The following CHCHD6 variants were observed in gnomAD, a reference collection of about 807,000 sequenced individuals.
The protein encoded by CHCHD6 is MICOS complex subunit MIC25.
CHCHD6 carries 28 observed loss-of-function variants against 32.3 expected under a neutral mutation model. The observed-to-expected ratio is 0.87, with a 90% CI of 0.64 to 1.19. The LOEUF (loss-of-function observed/expected upper bound fraction) is 1.19. Among genes scored for constraint, CHCHD6 ranks in the 50% most tolerant of loss-of-function variants. CHCHD6 has a pLI of 0.00. For missense variants in CHCHD6, 333 were observed against 307.0 expected (o/e 1.08, Z -0.63); for synonymous variants, 122 against 117.5 (o/e 1.04, Z -0.25).
intron 5 of CHCHD6, among the ~76,000 whole-genome samples, chr3:126,854,538 G>A (rs1159358300): frequency 6.6e-6 from 1 of 152,126 alleles, no homozygotes; most frequent in Non-Finnish European, 1.5e-5. Context: ...TGTAATGGCT[G>A]GGAAGATGGA....
chr3:126,816,764 C>T (rs1939924664), intron 4 of CHCHD6, among the ~76,000 whole-genome samples: 1 of 151,812 alleles, frequency 6.6e-6, no homozygotes, highest in Admixed American at 6.6e-5. Context: ...GAACAATGTA[C>T]AGGTTTGTTA....
chr3:126,798,732 G>A (rs1938921755), intron 4 of CHCHD6, among the ~76,000 whole-genome samples: 1 of 152,166 alleles, frequency 6.6e-6, no homozygotes, highest in South Asian at 2.1e-4. Context: ...GACAGTCACA[G>A]ATAGCCAGCT....
At chr3:126,721,244 A>G (rs1325514429) in intron 1 of CHCHD6, among the ~76,000 whole-genome samples, 2 of 151,930 alleles carry the variant, frequency 1.3e-5, no homozygotes, top group African/African-American at 2.4e-5. Context: ...CTGACTTCCA[A>G]GCTTCCTTCT....
intron 5 of CHCHD6, among the ~76,000 whole-genome samples, chr3:126,877,090 A>T (rs1331945466): frequency 2.0e-5 from 3 of 152,204 alleles, no homozygotes; most frequent in Non-Finnish European, 2.9e-5. Context: ...GGGGAAAAAG[A>T]TAGAAGTGTT....
intron 4 of CHCHD6, among the ~76,000 whole-genome samples, chr3:126,786,081 G>C (rs1019292743): frequency 1.3e-5 from 2 of 152,110 alleles, no homozygotes; most frequent in Admixed American, 6.5e-5. Flanking sequence ...TGCGGTGTTT[G>C]GTTTTTTGTT....
At chr3:126,764,300 C>T (rs566541652) in intron 4 of CHCHD6, among the ~76,000 whole-genome samples, 6 of 151,226 alleles carry the variant, frequency 4.0e-5, no homozygotes, top group Admixed American at 4.0e-4. Context: ...TTTGATTCCC[C>T]TTCATGCTAA....
intron 4 of CHCHD6, among the ~76,000 whole-genome samples, chr3:126,773,609 T>C (rs192121931): frequency 0.013 from 1,906 of 145,702 alleles, 42 homozygotes; most frequent in African/African-American, 0.046. Context: ...TTTCTTTTTT[T>C]TTTTTTTTTT....
At chr3:126,905,390 G>C (rs906444800) in intron 5 of CHCHD6, among the ~76,000 whole-genome samples, 2 of 152,176 alleles carry the variant, frequency 1.3e-5, no homozygotes, top group Non-Finnish European at 2.9e-5. Context: ...GGAGTTTCTT[G>C]GGTAGATAGG....
chr3:126,731,476 C>T (rs1935802615), intron 3 of CHCHD6, among the ~76,000 whole-genome samples: 1 of 152,160 alleles, frequency 6.6e-6, no homozygotes, highest in Non-Finnish European at 1.5e-5. Context: ...AAGAAGAGTA[C>T]TTCTTTAATT....
chr3:126,895,694 G>T (rs904513682), intron 5 of CHCHD6, among the ~76,000 whole-genome samples: 13 of 152,226 alleles, frequency 8.5e-5, no homozygotes, highest in East Asian at 1.9e-4. Flanking sequence ...GGTTGCAGGA[G>T]GGTGTGACTC....
At chr3:126,707,277 A>G (rs1016911749) in intron 1 of CHCHD6, among the ~76,000 whole-genome samples, 1 of 152,022 alleles carries the variant, frequency 6.6e-6, no homozygotes, top group Non-Finnish European at 1.5e-5. Context: ...AAAAAAAAAA[A>G]AAGATTAAGT....
At chr3:126,861,407 G>C (rs377062404) in intron 5 of CHCHD6, among the ~76,000 whole-genome samples, 1 of 151,896 alleles carries the variant, frequency 6.6e-6, no homozygotes, top group East Asian at 1.9e-4. Context: ...TTCTACTTCG[G>C]ATCATTATGA....
At chr3:126,735,638 T>C (rs1440820313) in intron 4 of CHCHD6, among the ~76,000 whole-genome samples, 1 of 152,024 alleles carries the variant, frequency 6.6e-6, no homozygotes, top group African/African-American at 2.4e-5. Context: ...CAGTTTTGAG[T>C]GAGTATAGAG....
chr3:126,792,645 A>C (rs960497470), intron 4 of CHCHD6, among the ~76,000 whole-genome samples: 5 of 152,116 alleles, frequency 3.3e-5, no homozygotes, highest in African/African-American at 1.2e-4. Context: ...ATTAATTTGC[A>C]TTTTAGTGTT....
At chr3:126,892,521 T>C (rs1576564511) in intron 5 of CHCHD6, among the ~76,000 whole-genome samples, 1 of 152,210 alleles carries the variant, frequency 6.6e-6, no homozygotes. Context: ...TGCTTCAGCG[T>C]TGGGCACCCC....
intron 6 of CHCHD6, among the ~76,000 whole-genome samples, chr3:126,956,527 C>A (rs2078785633): frequency 6.6e-6 from 1 of 152,200 alleles, no homozygotes; most frequent in African/African-American, 2.4e-5. Context: ...ACTGAGCACG[C>A]CCAGCAGCCG....
chr3:126,856,453 G>A (rs537435078), intron 5 of CHCHD6, among the ~76,000 whole-genome samples: 5 of 152,248 alleles, frequency 3.3e-5, no homozygotes, highest in Non-Finnish European at 5.9e-5. Context: ...GGACCAGGAA[G>A]GTGAGACCCT....
At chr3:126,807,730 T>C (rs1939465046) in intron 4 of CHCHD6, among the ~76,000 whole-genome samples, 1 of 152,218 alleles carries the variant, frequency 6.6e-6, no homozygotes, top group Admixed American at 6.5e-5. Context: ...TTTTAGAATA[T>C]AAAGGACAAG....
intron 6 of CHCHD6, chr3:126,950,028 G>C (rs1348984215): frequency 6.5e-6 from 1 of 153,128 alleles, no homozygotes; most frequent in Non-Finnish European, 1.5e-5. Context: ...GGGCTGCACA[G>C]TGGCTTGTTG....
Sources: gnomAD v4.1 joint callset for allele counts (sites outside exome capture counted in the v4.1 genomes callset) on GRCh38, gnomAD v4.1.1 for gene constraint, MANE v1.5 for transcripts, NCBI Gene and HGNC (gene_info 2026-07-23, HGNC 2026-07-21) for gene names.